Variants in TCP11L1 observed in about 807,000 individuals in gnomAD.
The protein encoded by TCP11L1 is t-complex 11 like 1.
In TCP11L1, 28 loss-of-function variants were observed where a neutral mutation model predicts 48.9. The ratio of observed to expected loss-of-function variants is 0.57; its 90% CI spans 0.42 to 0.78. The LOEUF (loss-of-function observed/expected upper bound fraction) is 0.78. TCP11L1 is among the 30% of genes least tolerant of loss of function. TCP11L1 has a pLI of 0.00. For synonymous variants in TCP11L1, 204 were observed against 231.9 expected, an observed-to-expected ratio of 0.88 and a Z score of 1.09; for missense variants, 505 against 613.4, an observed-to-expected ratio of 0.82 and a Z score of 1.87.
chr11:33,040,746 T>G (rs1375290728), intron 1 of TCP11L1: 2 of 152,326 alleles, frequency 1.3e-5, no homozygotes, highest in African/African-American at 4.8e-5. Flanking sequence ...GCCCTCTGAG[T>G]GAAATGCCCT....
chr11:33,061,789 G>A (rs1258258895), intron 7 of TCP11L1, 63 bp downstream of exon 7: 2 of 1,472,128 alleles, frequency 1.4e-6, no homozygotes, highest in African/African-American at 2.8e-5. Flanking sequence ...TTTTTAAAAA[G>A]AATAGCTTTG....
chr11:33,042,056 C>T (rs914717329), intron 1 of TCP11L1, among the ~76,000 whole-genome samples: 3 of 152,180 alleles, frequency 2.0e-5, no homozygotes, highest in Admixed American at 2.0e-4. Flanking sequence ...TCTTCTCTCC[C>T]AGAAACACCC....
At chr11:33,067,812 C>T (rs77120214) in intron 8 of TCP11L1, among the ~76,000 whole-genome samples, 9,428 of 152,258 alleles carry the variant, frequency 0.062, 423 homozygotes, top group South Asian at 0.13. Flanking sequence ...GGGCTCCCCA[C>T]AGGCACCCTG....
At chr11:33,065,084 C>G (rs1854576199) in intron 7 of TCP11L1, among the ~76,000 whole-genome samples, 1 of 152,178 alleles carries the variant, frequency 6.6e-6, no homozygotes, top group Non-Finnish European at 1.5e-5. Flanking sequence ...GTTGGTGACC[C>G]TAGGTCTGTG....
rs562115636 is a variant in TCP11L1, at chr11:33,059,208, A to G, written c.775+113A>G. ...AACAAAACTAAAATTTAGTAGGAGA[A>G]TAGTCTAATTTGAAGAAGGAAAAGC... On this transcript the variant is annotated intron_variant, in intron 6 of 9. Transcript: ENST00000334274. 2.9e-6 allele frequency: 4 copies of G among 1,393,170 alleles called. No homozygotes were observed. In the Admixed American group the frequency reaches 8.9e-5, roughly 31 times the overall value. The allele number at this position is 1,393,170 out of a possible 1,614,324, so 86.3% of individuals were successfully genotyped here.
At chr11:33,061,221 G>A (rs1564983821) in intron 6 of TCP11L1, among the ~76,000 whole-genome samples, 1 of 152,170 alleles carries the variant, frequency 6.6e-6, no homozygotes. Context: ...CTCCCAAAGT[G>A]CTGGGATTAC....
At position 33,058,275 on chromosome 11, in the gene TCP11L1, T is replaced by C. The variant is rs1162471594; in HGVS notation, c.638+136T>C. On this transcript the variant is annotated intron_variant, in intron 5 of 9. Coordinates refer to ENST00000334274, the MANE Select transcript of TCP11L1 (RefSeq NM_018393.4). ...GTGCAATGGCGTGATCTTGGTTCAC[T>C]GCAACCTCCACCTCCTGGATTCAAG... The C allele has an allele frequency of 6.3e-6, 5 of 790,830 alleles. No individual in the cohort carries two copies. The Admixed American group carries it at 1.3e-4, about 20-fold the overall frequency. The allele number at this position is 790,830 out of a possible 1,614,324, so 49.0% of individuals were successfully genotyped here.
chr11:33,065,073 A>G (rs1236559536), intron 7 of TCP11L1, among the ~76,000 whole-genome samples: 1 of 152,198 alleles, frequency 6.6e-6, no homozygotes, highest in African/African-American at 2.4e-5. Context: ...AACTGGGAGG[A>G]GTTGGTGACC....
At chr11:33,055,157 C>T (rs897475667) in intron 3 of TCP11L1, among the ~76,000 whole-genome samples, 1 of 152,160 alleles carries the variant, frequency 6.6e-6, no homozygotes, top group Non-Finnish European at 1.5e-5. Flanking sequence ...AAACACTGCC[C>T]ATTATAATTA....
intron 2 of TCP11L1, among the ~76,000 whole-genome samples, chr11:33,047,157 GAA>G (rs1223240981): frequency 6.6e-6 from 1 of 150,856 alleles, no homozygotes; most frequent in Non-Finnish European, 1.5e-5. Flanking sequence ...AGGTTGCAGT[GAA>G]CCGAGATTGT....
intron 2 of TCP11L1, among the ~76,000 whole-genome samples, chr11:33,050,302 A>G (rs1854120692): frequency 6.6e-6 from 1 of 152,226 alleles, no homozygotes; most frequent in African/African-American, 2.4e-5. Flanking sequence ...TGCAAAAGCA[A>G]GGTTAAAAAA....
chr11:33,063,567 G>C (rs1381611600), intron 7 of TCP11L1, among the ~76,000 whole-genome samples: 1 of 152,152 alleles, frequency 6.6e-6, no homozygotes, highest in Non-Finnish European at 1.5e-5. Flanking sequence ...CTTCCATGCT[G>C]AACAATATTT....
chr11:33,072,647 A>G lies in TCP11L1; in HGVS notation c.1501A>G (p.Ile501Val). 6.2e-7 allele frequency: 1 copy of G among 1,614,062 alleles called. No homozygotes were observed. ...GGTCTTCTGTCCCTACTACGATGCAATCCTGAGTAAGATCCTCGTCCGATC... is the reference window on the plus strand; with the variant it reads ...GGTCTTCTGTCCCTACTACGATGCAGTCCTGAGTAAGATCCTCGTCCGATC... Reference protein sequence around the residue: ...KMVFCPYYDAILSKILVRS With the variant: ...KMVFCPYYDAVLSKILVRS Residue 501 changes from isoleucine (I) to valine (V), a missense_variant, in exon 10 of 10, where the codon ATC (isoleucine) becomes GTC (valine). Transcript: ENST00000334274.
chr11:33,064,365 TA>T (rs1854551792), intron 7 of TCP11L1, among the ~76,000 whole-genome samples: 1 of 152,150 alleles, frequency 6.6e-6, no homozygotes, highest in African/African-American at 2.4e-5. Flanking sequence ...TCAGGGTTTT[TA>T]CTTCTTGGCT....
intron 2 of TCP11L1, among the ~76,000 whole-genome samples, chr11:33,047,308 A>G (rs886989152): frequency 6.6e-6 from 1 of 152,118 alleles, no homozygotes. Context: ...ATTGGTACTG[A>G]TTTGAGGTGG....
chr11:33,041,826 C>A (rs1287430547), intron 1 of TCP11L1, among the ~76,000 whole-genome samples: 1 of 152,100 alleles, frequency 6.6e-6, no homozygotes, highest in Non-Finnish European at 1.5e-5. Context: ...ATGGAGTTCT[C>A]TGAAATTTCA....
At chr11:33,052,678 A>T (rs930898741) in intron 2 of TCP11L1, among the ~76,000 whole-genome samples, 2 of 152,124 alleles carry the variant, frequency 1.3e-5, no homozygotes, top group Non-Finnish European at 2.9e-5. Flanking sequence ...CATCAGCATC[A>T]ACTGGAGACT....
At chr11:33,065,389 G>A (rs920893001) in intron 7 of TCP11L1, among the ~76,000 whole-genome samples, 1 of 151,996 alleles carries the variant, frequency 6.6e-6, no homozygotes, top group Non-Finnish European at 1.5e-5. Context: ...TCATCCTCCC[G>A]AGTAGCTGGT....
At chr11:33,047,231 A>G (rs1448075928) in intron 2 of TCP11L1, among the ~76,000 whole-genome samples, 2 of 148,866 alleles carry the variant, frequency 1.3e-5, no homozygotes, top group African/African-American at 5.0e-5. Flanking sequence ...AAAAAAAAAG[A>G]GTAGAATTCT....
Sources: allele counts gnomAD v4.1 joint callset (sites outside exome capture counted in the v4.1 genomes callset), GRCh38; gene constraint gnomAD v4.1.1; transcripts MANE v1.5; gene names NCBI Gene and HGNC (gene_info 2026-07-23, HGNC 2026-07-21).